Variants in SLC7A11 observed in about 807,000 individuals in gnomAD.
SLC7A11 encodes the protein solute carrier family 7 member 11.
A neutral mutation model predicts 54.5 loss-of-function variants in SLC7A11; 35 were observed. That is an observed-to-expected ratio of 0.64 (90% CI 0.49 to 0.85). SLC7A11 has a LOEUF of 0.85. Among genes scored for constraint, SLC7A11 ranks in the 40% least tolerant of loss-of-function variants. The pLI, the probability that SLC7A11 is intolerant of heterozygous loss-of-function variation, is 0.00. For missense variants in SLC7A11, 583 were observed against 618.1 expected (o/e 0.94, Z 0.60); for synonymous variants, 230 against 225.2 (o/e 1.02, Z -0.19).
At chr4:138,216,301 C>A (rs983878567) in intron 5 of SLC7A11, among the ~76,000 whole-genome samples, 1 of 151,996 alleles carries the variant, frequency 6.6e-6, no homozygotes, top group African/African-American at 2.4e-5. Context: ...CCAGCAAGTG[C>A]TTTAGAAAGA....
intron 7 of SLC7A11, 84 bp downstream of exon 7, chr4:138,185,037 A>C: frequency 6.8e-7 from 1 of 1,476,266 alleles, no homozygotes; most frequent in Non-Finnish European, 9.4e-7. Context: ...ATTTCAAAAC[A>C]CTTTCTGCTA....
At chr4:138,195,979 T>C (rs1268153281) in intron 6 of SLC7A11, among the ~76,000 whole-genome samples, 1 of 152,082 alleles carries the variant, frequency 6.6e-6, no homozygotes, top group East Asian at 1.9e-4. Flanking sequence ...ATTTTTATTT[T>C]TGGCAAAGAC....
chr4:138,235,308 CTTA>C (rs1738179620), intron 2 of SLC7A11, among the ~76,000 whole-genome samples: 1 of 151,824 alleles, frequency 6.6e-6, no homozygotes, highest in Non-Finnish European at 1.5e-5. Flanking sequence ...GAAAAAAATA[CTTA>C]TTATTATTTC....
chr4:138,222,079 C>T (rs886248063), intron 4 of SLC7A11, among the ~76,000 whole-genome samples: 1 of 152,204 alleles, frequency 6.6e-6, no homozygotes, highest in African/African-American at 2.4e-5. Context: ...CTCTTCAGTG[C>T]AAGCTCTAAC....
Position 138,207,010 on chromosome 4 carries a change from AAAC to A in SLC7A11, c.791+7572_791+7574del, listed in dbSNP as rs1166565251. Among the ~76,000 whole-genome samples, 26 of 151,398 alleles carry A rather than the reference AAAC, an allele frequency of 1.7e-4. No homozygotes were observed. In the East Asian group the frequency reaches 1.9e-3, roughly 11 times the overall value. On this transcript the variant is annotated intron_variant, in intron 6 of 11. Coordinates refer to ENST00000280612, the MANE Select transcript of SLC7A11 (RefSeq NM_014331.4). Reference sequence around the variant, plus strand: ...CTAAAGAAAAGCAAAAAAAAAAAAAAAACCCCCAGAGGGATTCTAATTTAGGTA... The same window carrying A: ...CTAAAGAAAAGCAAAAAAAAAAAAAACCCCAGAGGGATTCTAATTTAGGTA...
In SLC7A11 at chr4:138,242,103, G is replaced by T. The variant is rs1314056925; in HGVS notation, c.-34C>A. On this transcript the variant is annotated 5_prime_UTR_variant, in exon 1 of 12. Coordinates refer to ENST00000280612, the MANE Select transcript of SLC7A11 (RefSeq NM_014331.4). ...CACACGGGGGAAAAATAAAACAGAG[G>T]GAAAGAAAACAAAACTTTCAACTTT... 1.2e-6 allele frequency: 2 copies of T among 1,601,576 alleles called. No homozygotes were observed. The highest frequency in any genetic ancestry group is 1.7e-6 in the Non-Finnish European group (2 of 1,173,314).
intron 6 of SLC7A11, among the ~76,000 whole-genome samples, chr4:138,204,258 T>C (rs1737355292): frequency 6.6e-6 from 1 of 152,056 alleles, no homozygotes; most frequent in South Asian, 2.1e-4. Context: ...TACATGGGCA[T>C]GAGAAATTAC....
rs141730660 is a variant in SLC7A11, at chr4:138,165,697, T to G, written c.*6259A>C. The G allele has an allele frequency of 2.2e-3, 328 of 152,262 alleles. 3 individuals are homozygous for G. The highest frequency in any genetic ancestry group is 7.7e-3 in the African/African-American group (319 of 41,570). 9.4% of individuals were successfully genotyped at this position (152,262 alleles called of 1,614,324 possible). ...AAATATATCCTGATACTACTATAGA[T>G]TCTAGGAATTGTCCTAAAAGAGTAA... On this transcript the variant is annotated 3_prime_UTR_variant, in exon 12 of 12. Coordinates refer to ENST00000280612, the MANE Select transcript of SLC7A11 (RefSeq NM_014331.4).
At chr4:138,206,925 A>G (rs1026194462) in intron 6 of SLC7A11, among the ~76,000 whole-genome samples, 3 of 148,306 alleles carry the variant, frequency 2.0e-5, no homozygotes, top group South Asian at 2.1e-4. Flanking sequence ...AACTAGCACA[A>G]TTCTATTTCT....
chr4:138,201,890 A>C (rs974366848), intron 6 of SLC7A11, among the ~76,000 whole-genome samples: 1 of 152,194 alleles, frequency 6.6e-6, no homozygotes, highest in Non-Finnish European at 1.5e-5. Flanking sequence ...GAATTAATGC[A>C]GACTTTTGAA....
chr4:138,211,733 G>A (rs1304661289), intron 6 of SLC7A11, among the ~76,000 whole-genome samples: 2 of 151,808 alleles, frequency 1.3e-5, no homozygotes, highest in Non-Finnish European at 1.5e-5. Context: ...GTTATTTGAA[G>A]CAACATAGAT....
intron 6 of SLC7A11, among the ~76,000 whole-genome samples, chr4:138,186,743 A>G (rs1397380464): frequency 6.6e-6 from 1 of 152,206 alleles, no homozygotes; most frequent in Non-Finnish European, 1.5e-5. Flanking sequence ...AAAGCAAATT[A>G]AAGATGAATT....
At chr4:138,200,874 A>T (rs1737263001) in intron 6 of SLC7A11, among the ~76,000 whole-genome samples, 1 of 152,188 alleles carries the variant, frequency 6.6e-6, no homozygotes, top group Non-Finnish European at 1.5e-5. Context: ...AACTCTTTGT[A>T]CACACGGGTA....
intron 5 of SLC7A11, among the ~76,000 whole-genome samples, chr4:138,218,409 A>C (rs1737728355): frequency 6.6e-6 from 1 of 152,174 alleles, no homozygotes; most frequent in Admixed American, 6.6e-5. Flanking sequence ...ATCTTACTAC[A>C]ATGATTTTGA....
intron 7 of SLC7A11, 74 bp from the exon 8 acceptor site, chr4:138,183,379 C>A: frequency 1.0e-6 from 1 of 966,632 alleles, no homozygotes; most frequent in Non-Finnish European, 1.6e-6. Flanking sequence ...TTAGGCCAAA[C>A]TTGCTCTATG....
chr4:138,209,810 A>C (rs762300282), intron 6 of SLC7A11, among the ~76,000 whole-genome samples: 3 of 152,014 alleles, frequency 2.0e-5, no homozygotes, highest in Non-Finnish European at 4.4e-5. Context: ...TTAAAATGGC[A>C]GTACTGCCCA....
At chr4:138,216,167 T>C (rs1278817034) in intron 5 of SLC7A11, among the ~76,000 whole-genome samples, 1 of 152,202 alleles carries the variant, frequency 6.6e-6, no homozygotes, top group African/African-American at 2.4e-5. Context: ...GTTCCAGCTT[T>C]TCCATGATTG....
chr4:138,225,316 G>A (rs1286369074), intron 3 of SLC7A11, among the ~76,000 whole-genome samples: 2 of 151,480 alleles, frequency 1.3e-5, no homozygotes, highest in Non-Finnish European at 2.9e-5. Flanking sequence ...GGAAAAATAA[G>A]GGATCAGAAG....
rs555686476 is a variant in SLC7A11, at chr4:138,185,688, C to T, written c.792-444G>A. Among the ~76,000 whole-genome samples, 65 of 152,242 alleles carry T rather than the reference C, an allele frequency of 4.3e-4. No homozygotes were observed. In the South Asian group the frequency reaches 0.012, roughly 28 times the overall value. ...CAGGCCACACTTTGAGAACCACTGT[C>T]CTATAAACATTTCTAATACTAATTC... On this transcript the variant is annotated intron_variant, in intron 6 of 11. Coordinates refer to ENST00000280612, the MANE Select transcript of SLC7A11 (RefSeq NM_014331.4).
Sources: gnomAD v4.1 joint callset for allele counts (sites outside exome capture counted in the v4.1 genomes callset) on GRCh38, gnomAD v4.1.1 for gene constraint, MANE v1.5 for transcripts, NCBI Gene and HGNC (gene_info 2026-07-23, HGNC 2026-07-21) for gene names.